GUCY1A2: variants seen among roughly 807,000 people sequenced by gnomAD.
The protein encoded by GUCY1A2 is guanylate cyclase 1 soluble subunit alpha 2, also known as guanylate cyclase soluble subunit alpha-2.
A neutral mutation model predicts 63.5 loss-of-function variants in GUCY1A2; 27 were observed. That is an observed-to-expected ratio of 0.43 (90% confidence interval 0.31 to 0.59). The LOEUF is 0.59. GUCY1A2 is among the 20% of genes least tolerant of loss of function. The probability of loss-of-function intolerance (pLI) is 0.11; values close to 1 mark genes in which losing one functional copy is unlikely to be tolerated. For missense variants in GUCY1A2, 768 were observed against 913.3 expected (o/e 0.84, Z 2.05); for synonymous variants, 364 against 343.5 (o/e 1.06, Z -0.66).
chr11:107,000,683 A>G (rs772797533), intron 1 of GUCY1A2, among the ~76,000 whole-genome samples: 4 of 152,320 alleles, frequency 2.6e-5, no homozygotes, highest in Non-Finnish European at 5.9e-5. Context: ...AGATAAATAC[A>G]GATCCTTCAA....
At chr11:106,840,838 T>G (rs898155612) in intron 4 of GUCY1A2, among the ~76,000 whole-genome samples, 1 of 151,930 alleles carries the variant, frequency 6.6e-6, no homozygotes, top group Non-Finnish European at 1.5e-5. Context: ...AAATTAGAAG[T>G]AAAAAATAAA....
At chr11:106,993,402 T>C (rs1861495209) in intron 1 of GUCY1A2, among the ~76,000 whole-genome samples, 1 of 152,192 alleles carries the variant, frequency 6.6e-6, no homozygotes, top group Admixed American at 6.5e-5. Flanking sequence ...ATCCAAATAA[T>C]GTCATTTCAA....
At chr11:106,912,080 GA>G (rs1235998433) in intron 4 of GUCY1A2, among the ~76,000 whole-genome samples, 20 of 151,818 alleles carry the variant, frequency 1.3e-4, no homozygotes, top group Admixed American at 1.3e-3. Flanking sequence ...GCTGCTAAAA[GA>G]AAATAAAAAT....
intron 6 of GUCY1A2, among the ~76,000 whole-genome samples, chr11:106,767,846 T>C (rs994588239): frequency 6.6e-6 from 1 of 152,144 alleles, no homozygotes; most frequent in Non-Finnish European, 1.5e-5. Context: ...TATAGCATCA[T>C]GCCAGAAGAG....
At chr11:106,965,821 T>C (rs1861119903) in intron 3 of GUCY1A2, among the ~76,000 whole-genome samples, 1 of 152,098 alleles carries the variant, frequency 6.6e-6, no homozygotes, top group Admixed American at 6.5e-5. Context: ...CACTGTCTCC[T>C]TTCATTCATC....
At chr11:106,986,822 G>A (rs1861407782) in intron 1 of GUCY1A2, among the ~76,000 whole-genome samples, 1 of 152,116 alleles carries the variant, frequency 6.6e-6, no homozygotes, top group Admixed American at 6.6e-5. Flanking sequence ...CATACTGGAT[G>A]GGCCACAAGT....
rs1172962796 is a variant in GUCY1A2 at position 106,766,548 on chromosome 11, T to TC, written c.1836+9890_1836+9891insG. Among the ~76,000 whole-genome samples, 11 of 30,360 alleles carry TC rather than the reference T, an allele frequency of 3.6e-4. 1 individual carries two copies. In the South Asian group the frequency reaches 6.8e-3, roughly 19 times the overall value. 19.9% of individuals were successfully genotyped at this position (30,360 alleles called of 152,430 possible). ...TCTGTAATACTAGTTTTCAGAGATCTTTTTTTTGTAATTTTAGAAAACAAA... is the reference window on the plus strand; with the variant it reads ...TCTGTAATACTAGTTTTCAGAGATCTCTTTTTTTGTAATTTTAGAAAACAAA... On this transcript the variant is annotated intron_variant, in intron 6 of 7. Coordinates refer to ENST00000526355, the MANE Select transcript of GUCY1A2 (RefSeq NM_000855.3).
intron 4 of GUCY1A2, chr11:106,827,379 A>C (rs1460011343): frequency 2.6e-6 from 4 of 1,547,522 alleles, no homozygotes; most frequent in Non-Finnish European, 3.6e-6. Context: ...TAATGGCCCA[A>C]ATCACTTCAC....
At chr11:106,739,631 CAATTCTCTTTTATGCTCCT>C (rs1316461368) in intron 6 of GUCY1A2, among the ~76,000 whole-genome samples, 3 of 152,190 alleles carry the variant, frequency 2.0e-5, no homozygotes, top group African/African-American at 7.2e-5. Context: ...CTATAACCCT[CAATTCTCTTTTATGCTCCT>C]AATTAGTTTC....
At chr11:106,779,078 A>G (rs1312457909) in intron 5 of GUCY1A2, among the ~76,000 whole-genome samples, 4 of 152,208 alleles carry the variant, frequency 2.6e-5, no homozygotes. Flanking sequence ...GAATATTATG[A>G]GAACACTTAA....
At chr11:106,863,224 T>C (rs1859538947) in intron 4 of GUCY1A2, among the ~76,000 whole-genome samples, 3 of 152,208 alleles carry the variant, frequency 2.0e-5, no homozygotes, top group African/African-American at 7.2e-5. Flanking sequence ...CATGCCTATT[T>C]CCTGAACGGT....
At chr11:106,753,786 T>C (rs1412528516) in intron 6 of GUCY1A2, among the ~76,000 whole-genome samples, 1 of 152,138 alleles carries the variant, frequency 6.6e-6, no homozygotes, top group Non-Finnish European at 1.5e-5. Context: ...AGTCAGGTAG[T>C]GTGATGCCTC....
intron 1 of GUCY1A2, among the ~76,000 whole-genome samples, chr11:107,013,313 T>A (rs12273410): frequency 0.056 from 8,459 of 152,228 alleles, 707 homozygotes; most frequent in African/African-American, 0.19. Flanking sequence ...TCTAGTGGTG[T>A]ATCTTCACTG....
At chr11:106,957,492 T>C (rs570737948) in intron 3 of GUCY1A2, among the ~76,000 whole-genome samples, 2 of 152,156 alleles carry the variant, frequency 1.3e-5, no homozygotes, top group Non-Finnish European at 2.9e-5. Flanking sequence ...GCAGTTTCCC[T>C]AGCGCACTCA....
intron 4 of GUCY1A2, among the ~76,000 whole-genome samples, chr11:106,811,950 T>C (rs1271626681): frequency 6.6e-6 from 1 of 151,996 alleles, no homozygotes; most frequent in African/African-American, 2.4e-5. Context: ...AGGAAGACAT[T>C]CTAAATTCAC....
At chr11:106,944,310 G>C (rs1860796187) in intron 3 of GUCY1A2, among the ~76,000 whole-genome samples, 1 of 85,614 alleles carries the variant, frequency 1.2e-5, no homozygotes, top group African/African-American at 3.9e-5. Context: ...GCCAGGCATA[G>C]TGGTGCAGGC....
chr11:106,993,395 C>A (rs1242263692), intron 1 of GUCY1A2, among the ~76,000 whole-genome samples: 4 of 152,052 alleles, frequency 2.6e-5, no homozygotes, highest in African/African-American at 7.2e-5. Flanking sequence ...AAAACTAATC[C>A]AAATAATGTC....
At chr11:106,752,147 G>C (rs1863892037) in intron 6 of GUCY1A2, among the ~76,000 whole-genome samples, 4 of 152,198 alleles carry the variant, frequency 2.6e-5, no homozygotes, top group African/African-American at 7.2e-5. Flanking sequence ...GTGAGTGTTG[G>C]AGATGACTTC....
In GUCY1A2 at chr11:106,684,425, C is replaced by G. The variant is rs1399421548; in HGVS notation, c.*3124G>C. 5.2e-6 allele frequency: 1 copy of G among 191,850 alleles called. No individual in the cohort carries two copies. The highest frequency in any genetic ancestry group is 2.3e-5 in the African/African-American group (1 of 42,996). 11.9% of individuals were successfully genotyped at this position (191,850 alleles called of 1,614,324 possible). A position where few individuals can be genotyped will look rare whatever the true frequency, so the allele number is the denominator to read the frequency against. On this transcript the variant is annotated 3_prime_UTR_variant, in exon 8 of 8. Coordinates refer to ENST00000526355, the MANE Select transcript of GUCY1A2 (RefSeq NM_000855.3). Reference sequence around the variant, plus strand: ...GACAAGAGATCCAACTACTATGTTTCTGAAGCATATTATTATTTTTTATTA... The same window carrying G: ...GACAAGAGATCCAACTACTATGTTTGTGAAGCATATTATTATTTTTTATTA...
Sources: gnomAD v4.1 joint callset for allele counts (sites outside exome capture counted in the v4.1 genomes callset) on GRCh38, gnomAD v4.1.1 for gene constraint, MANE v1.5 for transcripts, NCBI Gene and HGNC (gene_info 2026-07-23, HGNC 2026-07-21) for gene names.